PTP4A1: variants seen among roughly 807,000 people sequenced by gnomAD.
PTP4A1 encodes protein tyrosine phosphatase type IVA 1.
PTP4A1 carries 9 observed loss-of-function variants against 20.5 expected under a neutral mutation model. The observed-to-expected ratio is 0.44, with a 90% CI of 0.26 to 0.77. The LOEUF (loss-of-function observed/expected upper bound fraction) is 0.77. Ranked by LOEUF, PTP4A1 falls within the 30% of genes least tolerant of loss-of-function variation. PTP4A1 has a pLI of 0.19. For missense variants in PTP4A1, 137 were observed against 218.8 expected (o/e 0.63, Z 2.36); for synonymous variants, 78 against 67.4 (o/e 1.16, Z -0.77).
At chr6:63,525,957 G>T (rs1437602241) in intron 1 of PTP4A1, among the ~76,000 whole-genome samples, 3 of 152,170 alleles carry the variant, frequency 2.0e-5, no homozygotes, top group African/African-American at 4.8e-5. Context: ...ATTGTCAATT[G>T]TTTAAACCTT....
At chr6:63,547,485 C>G (rs892094355) in intron 2 of PTP4A1, among the ~76,000 whole-genome samples, 1 of 149,502 alleles carries the variant, frequency 6.7e-6, no homozygotes, top group Non-Finnish European at 1.5e-5. Flanking sequence ...CCACCTCGCC[C>G]GGCCAGGGGG....
chr6:63,534,732 G>T (rs192514224), intron 2 of PTP4A1, among the ~76,000 whole-genome samples: 15 of 136,308 alleles, frequency 1.1e-4, no homozygotes, highest in African/African-American at 3.9e-4. Flanking sequence ...TGGATCACCT[G>T]AGGTCAGGAG....
At chr6:63,560,354 A>AAAAAAG (rs1776886941) in intron 3 of PTP4A1, among the ~76,000 whole-genome samples, 1 of 149,734 alleles carries the variant, frequency 6.7e-6, no homozygotes, top group African/African-American at 2.5e-5. Flanking sequence ...AAAAAAAAAA[A>AAAAAAG]AAAGAAAGAA....
At chr6:63,549,832 G>A (rs968964853) in intron 2 of PTP4A1, among the ~76,000 whole-genome samples, 2 of 152,094 alleles carry the variant, frequency 1.3e-5, no homozygotes, top group African/African-American at 2.4e-5. Flanking sequence ...GAGGAAAATA[G>A]GGAGAGATTT....
At chr6:63,527,731 A>G (rs888816331) in intron 1 of PTP4A1, 2 of 152,170 alleles carry the variant, frequency 1.3e-5, no homozygotes, top group Non-Finnish European at 2.9e-5. Context: ...TTTCACATAC[A>G]TTGCATGGTC....
chr6:63,570,334 T>C (rs922202544), upstream of PTP4A1, among the ~76,000 whole-genome samples: 5 of 152,158 alleles, frequency 3.3e-5, no homozygotes, highest in African/African-American at 1.2e-4. Context: ...CCATCTCAAA[T>C]AAATACATAA....
At chr6:63,541,158 A>G (rs1198277308) in intron 2 of PTP4A1, among the ~76,000 whole-genome samples, 2 of 152,210 alleles carry the variant, frequency 1.3e-5, no homozygotes, top group Non-Finnish European at 2.9e-5. Flanking sequence ...AGAAATCTGC[A>G]TCTCATCCTA....
At chr6:63,566,819 C>T (rs914570509) in intron 3 of PTP4A1, among the ~76,000 whole-genome samples, 2 of 152,214 alleles carry the variant, frequency 1.3e-5, no homozygotes, top group Non-Finnish European at 2.9e-5. Context: ...CACAAGAGAA[C>T]TCCTTTCAAA....
intron 2 of PTP4A1, among the ~76,000 whole-genome samples, chr6:63,546,444 G>T (rs1049150768): frequency 2.0e-5 from 3 of 152,210 alleles, no homozygotes; most frequent in East Asian, 3.9e-4. Context: ...GGTGGCTCAC[G>T]CATGTAATCC....
intron 2 of PTP4A1, among the ~76,000 whole-genome samples, chr6:63,535,637 T>C (rs1775684511): frequency 6.6e-6 from 1 of 152,182 alleles, no homozygotes; most frequent in Non-Finnish European, 1.5e-5. Context: ...TAGAAATATT[T>C]ATAAAAATCA....
upstream of PTP4A1, among the ~76,000 whole-genome samples, chr6:63,520,063 T>C (rs554941698): frequency 1.2e-4 from 18 of 152,320 alleles, no homozygotes; most frequent in East Asian, 2.5e-3. Context: ...ATTTTAAAAC[T>C]ACACATAAAT....
rs1778230284 is a variant in PTP4A1 at position 63,581,591 on chromosome 6, G to A, written c.*1417G>A. 6.6e-6 allele frequency: 1 copy of A among 152,052 alleles called. No homozygotes were observed. The highest frequency in any genetic ancestry group is 1.5e-5 in the Non-Finnish European group (1 of 67,982). 9.4% of individuals were successfully genotyped at this position (152,052 alleles called of 1,614,324 possible). On this transcript the variant is annotated 3_prime_UTR_variant, in exon 6 of 6. Coordinates refer to ENST00000626021, the MANE Select transcript of PTP4A1 (RefSeq NM_003463.5). ...ATGTCAGCATTTTAGTAAACTTTTA[G>A]ACAAAATTTGTTAGGGTCATTCATG...
At chr6:63,559,429 C>CA (rs779257202) in intron 3 of PTP4A1, among the ~76,000 whole-genome samples, 19 of 151,804 alleles carry the variant, frequency 1.3e-4, no homozygotes, top group East Asian at 3.9e-4. Flanking sequence ...TTAAACGCAG[C>CA]AAAAAAAATC....
intron 2 of PTP4A1, among the ~76,000 whole-genome samples, chr6:63,528,559 T>A (rs1775290211): frequency 6.6e-6 from 1 of 151,676 alleles, no homozygotes; most frequent in African/African-American, 2.4e-5. Context: ...ACCTCATCTC[T>A]ACAAAAAATA....
At chr6:63,544,594 G>T (rs1776108203) in intron 2 of PTP4A1, among the ~76,000 whole-genome samples, 1 of 152,042 alleles carries the variant, frequency 6.6e-6, no homozygotes, top group African/African-American at 2.4e-5. Flanking sequence ...GAGTGGTCAT[G>T]TCATGTTTTC....
rs147667507 is a variant in PTP4A1 at position 63,578,557 on chromosome 6, T to C, written c.198+28T>C. ...AAGTATTTAACAGTTCTTATGGGTT[T>C]ATGGTGCTGTGCTACAAAAGTTTAT... On this transcript the variant is annotated intron_variant, in intron 3 of 5. Transcript: ENST00000626021. 2.6e-4 allele frequency: 411 copies of C among 1,600,308 alleles called. 1 individual carries two copies. In the African/African-American group the frequency reaches 5.1e-3, roughly 20 times the overall value.
chr6:63,547,898 AC>A (rs1776274453), intron 2 of PTP4A1, among the ~76,000 whole-genome samples: 4 of 152,112 alleles, frequency 2.6e-5, no homozygotes, highest in Admixed American at 2.6e-4. Flanking sequence ...TTATTTAAAA[AC>A]CACAAATTTG....
rs1379052842 is a variant in PTP4A1 at position 63,580,149 on chromosome 6, A to G, written c.497A>G (p.His166Arg). The stretch of plus-strand genomic sequence containing the variant: ...CTGCGTTTCAAAGATTCCAACGGTC[A>G]TAGAAACAACTGTTGCATTCAATAA... ...MRLRFKDSNG[H>R]RNNCCIQ Residue 166 changes from histidine to arginine, a missense_variant, in exon 6 of 6, where the codon CAT becomes CGT. By Grantham distance (29) the His-to-Arg change is conservative. Transcript: ENST00000626021. 5 of 1,612,568 alleles carry G rather than the reference A, an allele frequency of 3.1e-6. No homozygotes were observed. Among genetic ancestry groups the G allele is most frequent in the Non-Finnish European group, 4.2e-6 (5 of 1,178,698 alleles).
At chr6:63,552,895 A>G (rs1776516206) in intron 3 of PTP4A1, among the ~76,000 whole-genome samples, 1 of 152,108 alleles carries the variant, frequency 6.6e-6, no homozygotes, top group African/African-American at 2.4e-5. Flanking sequence ...CTGTTTTGGT[A>G]CCAGTACCGT....
Sources: gnomAD v4.1 joint callset for allele counts (sites outside exome capture counted in the v4.1 genomes callset) on GRCh38, gnomAD v4.1.1 for gene constraint, MANE v1.5 for transcripts, NCBI Gene and HGNC (gene_info 2026-07-23, HGNC 2026-07-21) for gene names.